PKNOX2: variants seen among roughly 807,000 people sequenced by gnomAD.
The protein encoded by PKNOX2 is homeobox protein PKNOX2.
Under a neutral mutation model 53.1 loss-of-function variants are expected in PKNOX2, and 14 were observed. The ratio of observed to expected loss-of-function variants is 0.26; its 90% CI spans 0.17 to 0.41. The LOEUF (loss-of-function observed/expected upper bound fraction) is 0.41, where lower values mean the gene tolerates loss of function less well. PKNOX2 is among the 10% of genes least tolerant of loss of function. The probability of loss-of-function intolerance (pLI) is 1.00; values close to 1 mark genes in which losing one functional copy is unlikely to be tolerated. For synonymous variants in PKNOX2, 257 were observed against 242.8 expected, an observed-to-expected ratio of 1.06 and a Z score of -0.54; for missense variants, 496 against 602.8, an observed-to-expected ratio of 0.82 and a Z score of 1.85.
chr11:125,400,245 A>C (rs1954661420), intron 7 of PKNOX2, among the ~76,000 whole-genome samples: 2 of 152,134 alleles, frequency 1.3e-5, no homozygotes, highest in Admixed American at 1.3e-4. Flanking sequence ...GTATTACTCA[A>C]ACTTGTCCCT....
rs1395734177 is a variant in PKNOX2 at position 125,292,156 on chromosome 11, C to T, written c.-129-39663C>T. On this transcript the variant is annotated intron_variant, in intron 2 of 12. Transcript: ENST00000298282. ...CATACTTCATCTAATAAACCCTCTCCAGTCCGCCTCCCCAGCAGGCCTTTC... is the reference window on the plus strand; with the variant it reads ...CATACTTCATCTAATAAACCCTCTCTAGTCCGCCTCCCCAGCAGGCCTTTC... Among the ~76,000 whole-genome samples the T allele has an allele frequency of 4.6e-5, 7 of 152,328 alleles. No homozygotes were observed. In the East Asian group the frequency reaches 1.3e-3, roughly 29 times the overall value.
At chr11:125,388,747 C>G (rs1953828765) in intron 6 of PKNOX2, among the ~76,000 whole-genome samples, 1 of 152,158 alleles carries the variant, frequency 6.6e-6, no homozygotes, top group Non-Finnish European at 1.5e-5. Flanking sequence ...GTACCACACT[C>G]CCCTGTGTCC....
chr11:125,394,328 G>A (rs1954256993), intron 6 of PKNOX2, among the ~76,000 whole-genome samples: 1 of 152,194 alleles, frequency 6.6e-6, no homozygotes, highest in Admixed American at 6.5e-5. Flanking sequence ...TCTTTGCTTA[G>A]GATGGCTCAG....
chr11:125,318,273 AT>A (rs906412845), intron 2 of PKNOX2, among the ~76,000 whole-genome samples: 9,706 of 133,364 alleles, frequency 0.073, 789 homozygotes, highest in African/African-American at 0.23. Flanking sequence ...TGCCTGGCTA[AT>A]TTTTTTTTTT....
chr11:125,290,214 G>T (rs909325592), intron 2 of PKNOX2, among the ~76,000 whole-genome samples: 2 of 152,158 alleles, frequency 1.3e-5, no homozygotes, highest in African/African-American at 2.4e-5. Context: ...TGGAGCAGCC[G>T]CAGACAGGTG....
intron 2 of PKNOX2, among the ~76,000 whole-genome samples, chr11:125,328,856 C>T (rs1345731463): frequency 6.6e-6 from 1 of 152,198 alleles, no homozygotes; most frequent in Non-Finnish European, 1.5e-5. Flanking sequence ...TCCACATCTA[C>T]AAAATAAGAG....
chr11:125,175,386 G>A lies in PKNOX2; in HGVS notation c.-201+10610G>A, dbSNP rs775629889. The stretch of plus-strand genomic sequence containing the variant: ...TGGTTCTGGTGGCCCTGACCTGGCC[G>A]TGGTGGAACTGGGCTCTGGGGAGAC... On this transcript the variant is annotated intron_variant, in intron 1 of 12. Transcript: ENST00000298282. Among the ~76,000 whole-genome samples, 13 of 152,206 alleles carry A rather than the reference G, an allele frequency of 8.5e-5. No homozygotes were observed. The East Asian group carries it at 1.5e-3, about 18-fold the overall frequency.
intron 2 of PKNOX2, among the ~76,000 whole-genome samples, chr11:125,253,167 G>A (rs548028213): frequency 6.6e-6 from 1 of 152,272 alleles, no homozygotes; most frequent in East Asian, 1.9e-4. Context: ...CACAACACTC[G>A]TGGTGATAGC....
chr11:125,398,159 G>A, intron 7 of PKNOX2, 97 bp downstream of exon 7: 1 of 1,318,632 alleles, frequency 7.6e-7, no homozygotes, highest in Non-Finnish European at 1.0e-6. Flanking sequence ...CCTTCACTGG[G>A]TTAGACCCAC....
intron 2 of PKNOX2, among the ~76,000 whole-genome samples, chr11:125,318,609 A>G (rs776976365): frequency 4.6e-5 from 7 of 152,174 alleles, no homozygotes; most frequent in Non-Finnish European, 7.4e-5. Flanking sequence ...TCACGTGTTC[A>G]CTGGAGTAGC....
At chr11:125,400,167 TG>T (rs1222904944) in intron 7 of PKNOX2, among the ~76,000 whole-genome samples, 4 of 151,776 alleles carry the variant, frequency 2.6e-5, no homozygotes, top group Non-Finnish European at 5.9e-5. Flanking sequence ...GTGGTGGGTG[TG>T]GGGGAGGGGG....
intron 10 of PKNOX2, among the ~76,000 whole-genome samples, chr11:125,412,365 A>G (rs1349115225): frequency 6.6e-6 from 1 of 152,204 alleles, no homozygotes; most frequent in Non-Finnish European, 1.5e-5. Flanking sequence ...CTGGCTCCTC[A>G]TGTCACAGCT....
intron 2 of PKNOX2, among the ~76,000 whole-genome samples, chr11:125,309,395 T>TG (rs1319533586): frequency 6.6e-6 from 1 of 151,376 alleles, no homozygotes; most frequent in Admixed American, 6.6e-5. Flanking sequence ...CAATTTTTTT[T>TG]TTTTTTTTTT....
At chr11:125,338,019 G>A (rs749376677) in intron 3 of PKNOX2, among the ~76,000 whole-genome samples, 2 of 152,164 alleles carry the variant, frequency 1.3e-5, no homozygotes, top group Non-Finnish European at 2.9e-5. Context: ...ATTTCCTGAG[G>A]AGTGAAGAAA....
chr11:125,341,148 A>G (rs969360448), intron 3 of PKNOX2, among the ~76,000 whole-genome samples: 2 of 151,650 alleles, frequency 1.3e-5, no homozygotes, highest in Admixed American at 6.6e-5. Context: ...GATCACATCA[A>G]GAGACCGAGA....
chr11:125,379,275 T>C (rs1044279672), intron 5 of PKNOX2, among the ~76,000 whole-genome samples: 1 of 152,050 alleles, frequency 6.6e-6, no homozygotes, highest in Admixed American at 6.5e-5. Flanking sequence ...TTGACCAGGC[T>C]GGTCTCAAAA....
chr11:125,347,179 G>A (rs1951026396), intron 3 of PKNOX2, among the ~76,000 whole-genome samples: 1 of 152,046 alleles, frequency 6.6e-6, no homozygotes. Flanking sequence ...GGGGCAGGTG[G>A]GTGGGACAGT....
At position 125,366,452 on chromosome 11, in the gene PKNOX2, C is replaced by T. The variant is rs942456006; in HGVS notation, c.88-1394C>T. 2.6e-5 allele frequency among the ~76,000 whole-genome samples: 4 copies of T among 152,302 alleles called. No homozygotes were observed. The South Asian group carries it at 6.2e-4, about 24-fold the overall frequency. The stretch of plus-strand genomic sequence containing the variant: ...GATTCAACAAATATTTATTGAACAC[C>T]TACTAGTGCCAGGCTATTCTGGGCC... On this transcript the variant is annotated intron_variant, in intron 4 of 12. Coordinates refer to ENST00000298282, the MANE Select transcript of PKNOX2 (RefSeq NM_001382323.2).
intron 2 of PKNOX2, among the ~76,000 whole-genome samples, chr11:125,273,103 G>A (rs1224497547): frequency 1.3e-5 from 2 of 152,224 alleles, no homozygotes; most frequent in Non-Finnish European, 2.9e-5. Context: ...CAGGCCCGGA[G>A]AGACTGGCTG....
Sources: gnomAD v4.1 joint callset for allele counts (sites outside exome capture counted in the v4.1 genomes callset) on GRCh38, gnomAD v4.1.1 for gene constraint, MANE v1.5 for transcripts, NCBI Gene and HGNC (gene_info 2026-07-23, HGNC 2026-07-21) for gene names.